CDC14B: variants seen among roughly 807,000 people sequenced by gnomAD.
The protein encoded by CDC14B is cell division cycle 14B, also known as dual specificity protein phosphatase CDC14B.
CDC14B carries 22 observed loss-of-function variants against 64.2 expected under a neutral mutation model. That is an observed-to-expected ratio of 0.34 (90% CI 0.24 to 0.49). CDC14B has a LOEUF of 0.49. Among genes scored for constraint, CDC14B ranks in the 20% least tolerant of loss-of-function variants. The pLI, the probability that CDC14B is intolerant of heterozygous loss-of-function variation, is 0.99. For missense variants in CDC14B, 498 were observed against 629.9 expected (o/e 0.79, Z 2.24); for synonymous variants, 191 against 215.8 (o/e 0.89, Z 1.01).
rs557155567 is a variant in CDC14B, at chr9:96,591,663, C to T, written c.161-26180G>A. On this transcript the variant is annotated intron_variant, in intron 1 of 13. Transcript: ENST00000375241. ...GGGACTGCATTCAATCTGCAGATAG[C>T]TTTAGGTAGTTATTAACATTTTAAC... is the stretch of plus-strand genomic sequence containing the variant. 2.0e-5 allele frequency among the ~76,000 whole-genome samples: 3 copies of T among 152,180 alleles called. No homozygotes were observed. In the East Asian group the frequency reaches 5.8e-4, roughly 29 times the overall value.
intron 5 of CDC14B, among the ~76,000 whole-genome samples, chr9:96,544,123 A>G (rs1840463110): frequency 1.3e-5 from 2 of 152,062 alleles, no homozygotes; most frequent in South Asian, 4.1e-4. Context: ...AGGCTGAGGA[A>G]GGAGAATCAC....
chr9:96,586,017 T>A (rs1306946463), intron 1 of CDC14B, among the ~76,000 whole-genome samples: 1 of 152,182 alleles, frequency 6.6e-6, no homozygotes, highest in Non-Finnish European at 1.5e-5. Context: ...GTAAAACTAA[T>A]CTATAGTGAC....
chr9:96,518,223 A>C (rs1259298982), intron 12 of CDC14B, among the ~76,000 whole-genome samples: 9 of 152,170 alleles, frequency 5.9e-5, no homozygotes, highest in Non-Finnish European at 1.2e-4. Flanking sequence ...CATCATTAAA[A>C]ATTACATGTC....
At chr9:96,616,595 G>A (rs567775408) in intron 1 of CDC14B, among the ~76,000 whole-genome samples, 1 of 150,810 alleles carries the variant, frequency 6.6e-6, no homozygotes, top group South Asian at 2.1e-4. Flanking sequence ...ATGGTGGCGG[G>A]CGCCTGTATT....
chr9:96,506,162 T>A (rs188624083), intron 13 of CDC14B, among the ~76,000 whole-genome samples: 58 of 152,236 alleles, frequency 3.8e-4, no homozygotes, highest in African/African-American at 1.4e-3. Flanking sequence ...CAGGTAGGGA[T>A]GAAAGGACCC....
At chr9:96,564,471 A>G (rs955706989) in intron 3 of CDC14B, among the ~76,000 whole-genome samples, 1 of 152,202 alleles carries the variant, frequency 6.6e-6, no homozygotes, top group Non-Finnish European at 1.5e-5. Flanking sequence ...GTTAAGTTTC[A>G]GTTCTATTAG....
chr9:96,555,088 C>A (rs1280070408), intron 4 of CDC14B, among the ~76,000 whole-genome samples: 1 of 152,182 alleles, frequency 6.6e-6, no homozygotes, highest in Non-Finnish European at 1.5e-5. Context: ...AGCTGCTGAC[C>A]AGCTGTGATC....
downstream of CDC14B, among the ~76,000 whole-genome samples, chr9:96,497,728 A>G (rs1833316929): frequency 6.6e-6 from 1 of 152,154 alleles, no homozygotes; most frequent in African/African-American, 2.4e-5. Flanking sequence ...TGTGCCAGAC[A>G]CTTGTTCTCA....
intron 7 of CDC14B, among the ~76,000 whole-genome samples, chr9:96,537,067 A>G (rs190480156): frequency 8.5e-5 from 13 of 152,178 alleles, no homozygotes; most frequent in African/African-American, 3.1e-4. Context: ...AGGCAGGTAG[A>G]TCCCTTGAGT....
chr9:96,514,485 T>A (rs185367602), intron 12 of CDC14B: 1 of 985,204 alleles, frequency 1.0e-6, no homozygotes, highest in African/African-American at 1.7e-5. Context: ...ATGCCATAAA[T>A]AGGAGCAAGT....
At position 96,584,481 on chromosome 9, in the gene CDC14B, G is replaced by A. The variant is rs575239810; in HGVS notation, c.161-18998C>T. 2.6e-5 allele frequency among the ~76,000 whole-genome samples: 4 copies of A among 151,932 alleles called. No homozygotes were observed. In the South Asian group the frequency reaches 8.3e-4, roughly 32 times the overall value. ...CCTGACCCAGAGAAGAGAAGGCACA[G>A]AGGAAGAAAGCATTCACTTTCAGCA... On this transcript the variant is annotated intron_variant, in intron 1 of 13. Coordinates refer to ENST00000375241, the MANE Select transcript of CDC14B (RefSeq NM_033331.4).
chr9:96,519,745 A>C (rs2131483324), intron 12 of CDC14B, among the ~76,000 whole-genome samples: 1 of 151,746 alleles, frequency 6.6e-6, no homozygotes, highest in African/African-American at 2.4e-5. Context: ...AAAAAAAAAA[A>C]AAAAAAAAGA....
At position 96,502,866 on chromosome 9, in the gene CDC14B, T is replaced by A; in HGVS notation, c.*887A>T. 1 of 397,704 alleles carries A rather than the reference T, an allele frequency of 2.5e-6. No homozygotes were observed. Among genetic ancestry groups the A allele is most frequent in the Non-Finnish European group, 4.4e-6 (1 of 225,778 alleles). The allele number at this position is 397,704 out of a possible 1,614,324, so 24.6% of individuals were successfully genotyped here. On this transcript the variant is annotated 3_prime_UTR_variant, in exon 14 of 14. Transcript: ENST00000375241. ...TAAAAAAGTGGTAACTTTTTTTTTT[T>A]GTAAGCCGACATTATTTGGGATTGC...
chr9:96,595,474 A>C (rs543007957), intron 1 of CDC14B, among the ~76,000 whole-genome samples: 4 of 152,356 alleles, frequency 2.6e-5, no homozygotes, highest in South Asian at 4.1e-4. Flanking sequence ...ATATATCGGT[A>C]AGATAGGCAT....
At chr9:96,576,277 T>C (rs1426015940) in intron 1 of CDC14B, among the ~76,000 whole-genome samples, 1 of 147,488 alleles carries the variant, frequency 6.8e-6, no homozygotes, top group Admixed American at 6.8e-5. Context: ...AAAAACTCCA[T>C]CTCAAAAAAA....
intron 6 of CDC14B, among the ~76,000 whole-genome samples, chr9:96,541,419 G>A (rs1181933608): frequency 1.3e-5 from 2 of 152,236 alleles, no homozygotes; most frequent in African/African-American, 2.4e-5. Flanking sequence ...GTGTTTGACA[G>A]TGACTGTGTT....
chr9:96,580,935 A>T (rs969026194), intron 1 of CDC14B, among the ~76,000 whole-genome samples: 1 of 152,220 alleles, frequency 6.6e-6, no homozygotes, highest in Non-Finnish European at 1.5e-5. Context: ...ATATGTATAA[A>T]AATAAACAGA....
chr9:96,581,707 T>A (rs1327887233), intron 1 of CDC14B, among the ~76,000 whole-genome samples: 1 of 152,010 alleles, frequency 6.6e-6, no homozygotes, highest in East Asian at 1.9e-4. Context: ...TGAAAATATA[T>A]TCCTCTGGGG....
chr9:96,499,990 T>C (rs1833419475), downstream of CDC14B: 2 of 152,666 alleles, frequency 1.3e-5, no homozygotes, highest in South Asian at 2.1e-4. Flanking sequence ...CAGTCTGGGG[T>C]ATTCCATTAT....
Sources: allele counts gnomAD v4.1 joint callset (sites outside exome capture counted in the v4.1 genomes callset), GRCh38; gene constraint gnomAD v4.1.1; transcripts MANE v1.5; gene names NCBI Gene and HGNC (gene_info 2026-07-23, HGNC 2026-07-21).